The following PRR16 variants were observed in gnomAD, a reference collection of about 807,000 sequenced individuals.
PRR16 encodes proline rich 16.
A neutral mutation model predicts 18.2 loss-of-function variants in PRR16; 6 were observed. That is an observed-to-expected ratio of 0.33 (90% CI 0.18 to 0.65). The LOEUF (loss-of-function observed/expected upper bound fraction) is 0.65. Among genes scored for constraint, PRR16 ranks in the 30% least tolerant of loss-of-function variants. The probability of loss-of-function intolerance (pLI) is 0.74; values close to 1 mark genes in which losing one functional copy is unlikely to be tolerated. For synonymous variants in PRR16, 151 were observed against 147.8 expected (o/e 1.02, Z -0.16); for missense variants, 412 against 376.6 (o/e 1.09, Z -0.78).
chr5:120,727,889 G>T, the PRR16 span, among the ~76,000 whole-genome samples: 1 of 151,800 alleles, frequency 6.6e-6, no homozygotes, highest in African/African-American at 2.4e-5. Context: ...TACATAAAAT[G>T]CTTGAACATT....
At chr5:120,733,915 T>TACTTAAAATGCATTAAATGTA in the PRR16 span, among the ~76,000 whole-genome samples, 1 of 152,248 alleles carries the variant, frequency 6.6e-6, no homozygotes, top group East Asian at 1.9e-4. Flanking sequence ...CATTAAAACA[T>TACTTAAAATGCATTAAATGTA]ACTTAAAAGT....
At chr5:120,677,602 T>C (rs1240182816) in intron 1 of PRR16, among the ~76,000 whole-genome samples, 1 of 152,208 alleles carries the variant, frequency 6.6e-6, no homozygotes, top group Non-Finnish European at 1.5e-5. Flanking sequence ...CAGGAATCTA[T>C]AAATCTTCTT....
At chr5:120,584,595 TA>T (rs1753378473) in intron 1 of PRR16, among the ~76,000 whole-genome samples, 1 of 152,188 alleles carries the variant, frequency 6.6e-6, no homozygotes, top group Non-Finnish European at 1.5e-5. Flanking sequence ...AATTTGTTCT[TA>T]AATCATTTTT....
In PRR16 at chr5:120,500,483, G is replaced by A. The variant is rs149121687; in HGVS notation, c.159+35838G>A. ...AGTGCGTCTGTCTGGAAGCAGAATCGTTAATGCCTTCCATTTTAAGACCAA... is the reference window on the plus strand; with the variant it reads ...AGTGCGTCTGTCTGGAAGCAGAATCATTAATGCCTTCCATTTTAAGACCAA... On this transcript the variant is annotated intron_variant, in intron 1 of 1. Transcript: ENST00000407149. 9.2e-3 allele frequency among the ~76,000 whole-genome samples: 1,400 copies of A among 152,268 alleles called. 7 individuals are homozygous for A. Among genetic ancestry groups the A allele is most frequent in the Non-Finnish European group, 0.015 (998 of 68,024 alleles).
intron 1 of PRR16, among the ~76,000 whole-genome samples, chr5:120,631,367 G>A (rs552266475): frequency 6.6e-6 from 1 of 152,242 alleles, no homozygotes; most frequent in East Asian, 1.9e-4. Context: ...GATCACCACT[G>A]CAGGCTCCCT....
At chr5:120,602,131 T>A (rs1340351874) in intron 1 of PRR16, among the ~76,000 whole-genome samples, 1 of 152,146 alleles carries the variant, frequency 6.6e-6, no homozygotes, top group African/African-American at 2.4e-5. Flanking sequence ...AGGAATAACA[T>A]TGAATCTGTA....
chr5:120,525,785 C>T (rs1164384994), intron 1 of PRR16, among the ~76,000 whole-genome samples: 1 of 151,870 alleles, frequency 6.6e-6, no homozygotes, highest in Non-Finnish European at 1.5e-5. Flanking sequence ...AAAACATAAG[C>T]CTTTAGGAGG....
chr5:120,747,883 T>C, the PRR16 span, among the ~76,000 whole-genome samples: 10 of 152,272 alleles, frequency 6.6e-5, no homozygotes, highest in African/African-American at 1.4e-4. Context: ...AAAACAATTA[T>C]GCGTACTCTT....
intron 1 of PRR16, among the ~76,000 whole-genome samples, chr5:120,603,218 G>T (rs866982292): frequency 2.0e-5 from 3 of 151,926 alleles, no homozygotes; most frequent in African/African-American, 7.2e-5. Context: ...GGTAGGTTTT[G>T]TATTACACAT....
intron 1 of PRR16, chr5:120,481,168 G>C: frequency 1.9e-6 from 2 of 1,030,746 alleles, no homozygotes; most frequent in South Asian, 2.8e-5. Flanking sequence ...TTTTTTTGGA[G>C]ATGAAGTCCC....
At chr5:120,712,162 G>A in the PRR16 span, among the ~76,000 whole-genome samples, 2 of 152,032 alleles carry the variant, frequency 1.3e-5, no homozygotes, top group East Asian at 1.9e-4. Flanking sequence ...TGCTTACTAC[G>A]TGTAAGCAAT....
the PRR16 span, among the ~76,000 whole-genome samples, chr5:120,787,558 A>T: frequency 6.6e-6 from 1 of 152,148 alleles, no homozygotes; most frequent in Non-Finnish European, 1.5e-5. Flanking sequence ...ATACCTAAAA[A>T]TTTGGTGGAA....
chr5:120,752,737 G>A, the PRR16 span, among the ~76,000 whole-genome samples: 8 of 151,680 alleles, frequency 5.3e-5, no homozygotes, highest in Admixed American at 3.3e-4. Context: ...CTATTTCTTC[G>A]TAGGTTTATA....
At chr5:120,635,506 A>G (rs1755197409) in intron 1 of PRR16, among the ~76,000 whole-genome samples, 1 of 152,202 alleles carries the variant, frequency 6.6e-6, no homozygotes, top group South Asian at 2.1e-4. Flanking sequence ...AAACAGAATT[A>G]AAAACAAGAA....
At chr5:120,762,705 T>G in the PRR16 span, among the ~76,000 whole-genome samples, 2 of 152,202 alleles carry the variant, frequency 1.3e-5, no homozygotes, top group East Asian at 3.9e-4. Flanking sequence ...ATGAATACTT[T>G]GCAAGTATTT....
the PRR16 span, among the ~76,000 whole-genome samples, chr5:120,719,682 C>T: frequency 2.0e-5 from 3 of 152,038 alleles, no homozygotes; most frequent in Non-Finnish European, 4.4e-5. Flanking sequence ...AATAGCATGG[C>T]AGCTCTAAGA....
chr5:120,755,925 G>A, the PRR16 span, among the ~76,000 whole-genome samples: 1 of 152,102 alleles, frequency 6.6e-6, no homozygotes, highest in African/African-American at 2.4e-5. Flanking sequence ...AGTGGCTCAA[G>A]CTCTGGTTAC....
chr5:120,530,856 C>T (rs901466648), intron 1 of PRR16, among the ~76,000 whole-genome samples: 2 of 152,160 alleles, frequency 1.3e-5, no homozygotes, highest in African/African-American at 2.4e-5. Flanking sequence ...AAGCTTAAGA[C>T]AATCCCTGCT....
At chr5:120,785,211 T>C in the PRR16 span, among the ~76,000 whole-genome samples, 3 of 152,304 alleles carry the variant, frequency 2.0e-5, no homozygotes, top group East Asian at 5.8e-4. Context: ...GACAAGTGTC[T>C]AGGGCTACAA....
Sources: allele counts gnomAD v4.1 joint callset (sites outside exome capture counted in the v4.1 genomes callset), GRCh38; gene constraint gnomAD v4.1.1; transcripts MANE v1.5; gene names NCBI Gene and HGNC (gene_info 2026-07-23, HGNC 2026-07-21).